The following SPATA6 variants were observed in gnomAD, a reference collection of about 807,000 sequenced individuals.
The protein encoded by SPATA6 is spermatogenesis-associated protein 6.
In SPATA6, 56 loss-of-function variants were observed where a neutral mutation model predicts 65.3. That is an observed-to-expected ratio of 0.86 (90% confidence interval 0.69 to 1.07). The LOEUF (loss-of-function observed/expected upper bound fraction) is 1.07, where lower values mean the gene tolerates loss of function less well. SPATA6 is among the 50% of genes least tolerant of loss of function. The probability of loss-of-function intolerance (pLI) is 0.00; values close to 1 mark genes in which losing one functional copy is unlikely to be tolerated. For synonymous variants in SPATA6, 199 were observed against 213.2 expected (o/e 0.93, Z 0.58); for missense variants, 590 against 594.8 (o/e 0.99, Z 0.08).
intron 9 of SPATA6, among the ~76,000 whole-genome samples, chr1:48,380,120 T>C (rs913634043): frequency 9.2e-5 from 14 of 152,194 alleles, no homozygotes; most frequent in Non-Finnish European, 1.8e-4. Context: ...CTCTTGCCTA[T>C]GCAAAGTACA....
Position 48,451,573 on chromosome 1 carries a change from C to A in SPATA6, c.217G>T (p.Asp73Tyr), listed in dbSNP as rs751795228. The A allele has an allele frequency of 6.2e-7, 1 of 1,612,548 alleles. No homozygotes were observed. The change falls in exon 3 of 13, where the codon GAT becomes TAT. Residue 73 changes from aspartate to tyrosine, a missense_variant. Transcript: ENST00000371847. ...KVFPDAVDPG[D>Y]VVTQLEYDTA... ...TTACATTCAAGCTGTGTAACCACAT[C>A]TCCAGGATCTACTGCGTCCGGGAAC...
At position 48,427,315 on chromosome 1, in the gene SPATA6, A is replaced by T. The variant is rs141343465; in HGVS notation, c.239-14164T>A. ...ATATAATGCCTTAAAATACAAGAAA[A>T]TGAGAATATTTTAATCAAAAAGAAA... On this transcript the variant is annotated intron_variant, in intron 3 of 12. Coordinates refer to ENST00000371847, the MANE Select transcript of SPATA6 (RefSeq NM_019073.4). Among the ~76,000 whole-genome samples the T allele has an allele frequency of 2.1e-3, 324 of 152,256 alleles. 1 individual carries two copies. Among genetic ancestry groups the T allele is most frequent in the African/African-American group, 7.6e-3 (314 of 41,560 alleles).
chr1:48,357,449 T>C (rs1646691467), intron 10 of SPATA6, among the ~76,000 whole-genome samples: 1 of 152,148 alleles, frequency 6.6e-6, no homozygotes, highest in Non-Finnish European at 1.5e-5. Flanking sequence ...AATCTGTTTA[T>C]ATACATGATT....
chr1:48,322,862 C>T (rs193289827), intron 11 of SPATA6, among the ~76,000 whole-genome samples: 273 of 152,258 alleles, frequency 1.8e-3, no homozygotes, highest in African/African-American at 6.4e-3. Context: ...AAATCAAAAC[C>T]ACAATGAGAT....
At chr1:48,283,475 T>C in the SPATA6 span, among the ~76,000 whole-genome samples, 1 of 150,966 alleles carries the variant, frequency 6.6e-6, no homozygotes, top group African/African-American at 2.4e-5. Context: ...GGTCAAGAGA[T>C]TGAGACCATC....
rs371475211 is a variant in SPATA6 at position 48,425,585 on chromosome 1, G to C, written c.239-12434C>G. On this transcript the variant is annotated intron_variant, in intron 3 of 12. Coordinates refer to ENST00000371847, the MANE Select transcript of SPATA6 (RefSeq NM_019073.4). Reference sequence around the variant, plus strand: ...AACTTAAGCTACAGTAATTAAGAAAGTATAATATTTATGCAAGGATGGACA... The same window carrying C: ...AACTTAAGCTACAGTAATTAAGAAACTATAATATTTATGCAAGGATGGACA... Among the ~76,000 whole-genome samples the C allele has an allele frequency of 1.4e-4, 21 of 152,116 alleles. 1 individual carries two copies. Among genetic ancestry groups the C allele is most frequent in the African/African-American group, 5.1e-4 (21 of 41,454 alleles).
rs74640754 is a variant in SPATA6, at chr1:48,411,693, C to T, written c.281-105G>A. On this transcript the variant is annotated intron_variant, in intron 4 of 12. Transcript: ENST00000371847. ...ACTGCCTGATGCCTTATTGAAATAC[C>T]TGTTTTGGGTCATGTTTATTTTCTA... 7,977 of 973,428 alleles carry T rather than the reference C, an allele frequency of 8.2e-3. 454 individuals are homozygous for T. The African/African-American group carries it at 0.12, about 15-fold the overall frequency. The allele number at this position is 973,428 out of a possible 1,614,324, so 60.3% of individuals were successfully genotyped here.
chr1:48,274,058 C>T, the SPATA6 span, among the ~76,000 whole-genome samples: 1 of 152,166 alleles, frequency 6.6e-6, no homozygotes, highest in African/African-American at 2.4e-5. Context: ...GATGGTATCT[C>T]ATTGTGGTTT....
At chr1:48,330,744 G>A (rs1645892209) in intron 11 of SPATA6, among the ~76,000 whole-genome samples, 1 of 152,232 alleles carries the variant, frequency 6.6e-6, no homozygotes, top group African/African-American at 2.4e-5. Context: ...GCTACCCATA[G>A]CCAGACAGGC....
At chr1:48,470,651 A>T (rs1185996986) in intron 1 of SPATA6, among the ~76,000 whole-genome samples, 2 of 151,994 alleles carry the variant, frequency 1.3e-5, no homozygotes, top group Non-Finnish European at 2.9e-5. Context: ...CAGTCCTGTG[A>T]TTTTCCTAGG....
chr1:48,418,544 C>CAAAAAAAAAAAAAAAAA lies in SPATA6; in HGVS notation c.239-5410_239-5394dup, dbSNP rs34415296. Among the ~76,000 whole-genome samples, 3 of 49,680 alleles carry CAAAAAAAAAAAAAAAAA rather than the reference C, an allele frequency of 6.0e-5. 1 individual carries two copies. Among genetic ancestry groups the CAAAAAAAAAAAAAAAAA allele is most frequent in the Admixed American group, 7.7e-4 (2 of 2,586 alleles). The allele number at this position is 49,680 out of a possible 152,430, so 32.6% of individuals were successfully genotyped here. ...GCAACATGGCAAGAACCCATCCCTA[C>CAAAAAAAAAAAAAAAAA]AAAAAAAAAAAAAAAAAAAAAAAAA... is the stretch of plus-strand genomic sequence containing the variant. On this transcript the variant is annotated intron_variant, in intron 3 of 12. Transcript: ENST00000371847.
At chr1:48,413,176 T>C in intron 3 of SPATA6, 25 bp from the exon 4 acceptor site, 1 of 1,369,590 alleles carries the variant, frequency 7.3e-7, no homozygotes, top group Non-Finnish European at 9.6e-7. Flanking sequence ...AAAAATTTCC[T>C]TAAATAAACA....
At chr1:48,351,272 T>C (rs1302610130) in intron 11 of SPATA6, among the ~76,000 whole-genome samples, 1 of 152,012 alleles carries the variant, frequency 6.6e-6, no homozygotes, top group African/African-American at 2.4e-5. Context: ...TAAATAATCA[T>C]ATCTTCTGCA....
At chr1:48,446,390 G>A (rs1656055964) in intron 3 of SPATA6, among the ~76,000 whole-genome samples, 1 of 152,268 alleles carries the variant, frequency 6.6e-6, no homozygotes, top group African/African-American at 2.4e-5. Context: ...CCAAAGAGAG[G>A]CCAGCTGGGG....
At chr1:48,294,053 T>C (rs144161653), downstream of SPATA6, among the ~76,000 whole-genome samples, 65 of 152,362 alleles carry the variant, frequency 4.3e-4, no homozygotes, top group Middle Eastern at 3.4e-3. Context: ...GTTTCGTACA[T>C]TGAAACTGTA....
intron 5 of SPATA6, among the ~76,000 whole-genome samples, chr1:48,405,998 A>C (rs1210756841): frequency 2.0e-5 from 3 of 152,090 alleles, no homozygotes; most frequent in Non-Finnish European, 4.4e-5. Flanking sequence ...AGGGCTGCTG[A>C]GGTGTAGTTC....
intron 9 of SPATA6, among the ~76,000 whole-genome samples, chr1:48,363,884 C>A (rs1646903980): frequency 6.6e-6 from 1 of 151,684 alleles, no homozygotes; most frequent in African/African-American, 2.4e-5. Context: ...ATGTGCCATG[C>A]TGGTGTACTG....
chr1:48,448,407 G>A (rs897599050), intron 3 of SPATA6, among the ~76,000 whole-genome samples: 32 of 151,704 alleles, frequency 2.1e-4, no homozygotes, highest in Middle Eastern at 3.2e-3. Context: ...TGCCACAAGT[G>A]GAAAATTCCA....
At chr1:48,372,332 TG>T (rs1314893157) in intron 9 of SPATA6, among the ~76,000 whole-genome samples, 7 of 152,118 alleles carry the variant, frequency 4.6e-5, no homozygotes, top group East Asian at 1.9e-4. Flanking sequence ...ACAGGGCCCA[TG>T]TAAGTCTGAA....
Sources: gnomAD v4.1 joint callset for allele counts (sites outside exome capture counted in the v4.1 genomes callset) on GRCh38, gnomAD v4.1.1 for gene constraint, MANE v1.5 for transcripts, NCBI Gene and HGNC (gene_info 2026-07-23, HGNC 2026-07-21) for gene names.